UBE3D: variants seen among roughly 807,000 people sequenced by gnomAD.
The protein encoded by UBE3D is E3 ubiquitin-protein ligase E3D.
UBE3D carries 48 observed loss-of-function variants against 49.6 expected under a neutral mutation model. The observed-to-expected ratio is 0.97, with a 90% CI of 0.77 to 1.23. The LOEUF (loss-of-function observed/expected upper bound fraction) is 1.23. Among genes scored for constraint, UBE3D ranks in the 50% most tolerant of loss-of-function variants. UBE3D has a pLI of 0.00. For synonymous variants in UBE3D, 189 were observed against 174.2 expected (o/e 1.08, Z -0.67); for missense variants, 452 against 468.4 (o/e 0.96, Z 0.32).
At chr6:82,956,383 G>A (rs1776157924) in intron 9 of UBE3D, among the ~76,000 whole-genome samples, 1 of 152,172 alleles carries the variant, frequency 6.6e-6, no homozygotes, top group African/African-American at 2.4e-5. Context: ...ACACTCATTT[G>A]ACAATTAGCT....
intron 8 of UBE3D, among the ~76,000 whole-genome samples, chr6:83,000,881 G>T (rs1054447045): frequency 7.0e-6 from 1 of 143,564 alleles, no homozygotes; most frequent in African/African-American, 2.6e-5. Context: ...TCTCGCTCTT[G>T]TTGCCCAGAC....
chr6:83,050,006 CT>C (rs1406508871), intron 3 of UBE3D, among the ~76,000 whole-genome samples: 1 of 151,990 alleles, frequency 6.6e-6, no homozygotes, highest in Non-Finnish European at 1.5e-5. Context: ...AGAAAAACTG[CT>C]AATCTGGTAA....
At chr6:82,968,784 T>C (rs1777132609) in intron 8 of UBE3D, among the ~76,000 whole-genome samples, 1 of 152,222 alleles carries the variant, frequency 6.6e-6, no homozygotes, top group Admixed American at 6.5e-5. Flanking sequence ...TGCTTAATTC[T>C]AGTGAACTAG....
intron 8 of UBE3D, among the ~76,000 whole-genome samples, chr6:82,979,890 C>A (rs1777993953): frequency 6.6e-6 from 1 of 152,116 alleles, no homozygotes; most frequent in Non-Finnish European, 1.5e-5. Context: ...TAACGGCCCC[C>A]AGTTGTATCC....
intron 9 of UBE3D, among the ~76,000 whole-genome samples, chr6:82,900,460 G>A (rs1244336703): frequency 6.6e-6 from 1 of 152,174 alleles, no homozygotes; most frequent in Non-Finnish European, 1.5e-5. Flanking sequence ...GATTTCCACA[G>A]ATGAATGGGT....
At chr6:82,982,944 A>T (rs944844772) in intron 8 of UBE3D, among the ~76,000 whole-genome samples, 2 of 152,092 alleles carry the variant, frequency 1.3e-5, no homozygotes, top group South Asian at 2.1e-4. Context: ...TTTCAAAGCT[A>T]TGATGGTTCA....
At chr6:82,881,337 G>C in the UBE3D span, among the ~76,000 whole-genome samples, 1 of 152,174 alleles carries the variant, frequency 6.6e-6, no homozygotes, top group African/African-American at 2.4e-5. Flanking sequence ...TGCCAGGTAG[G>C]AATATGAGGG....
Position 82,895,494 on chromosome 6 carries a change from A to G in UBE3D, c.1150-2452T>C, listed in dbSNP as rs367793961. Among the ~76,000 whole-genome samples, 16 of 152,258 alleles carry G rather than the reference A, an allele frequency of 1.1e-4. No individual in the cohort carries two copies. The East Asian group carries it at 2.3e-3, about 22-fold the overall frequency. On this transcript the variant is annotated intron_variant, in intron 9 of 9. Coordinates refer to ENST00000369747, the MANE Select transcript of UBE3D (RefSeq NM_198920.3). ...ACAGAGGCCAGGGACGTTCTCCTAC[A>G]ATGTAGAGAGCCCCTAAAACAAAGA...
At chr6:83,057,701 C>A in intron 2 of UBE3D, 125 bp downstream of exon 2, 2 of 878,946 alleles carry the variant, frequency 2.3e-6, no homozygotes, top group Non-Finnish European at 1.8e-6. Context: ...ACTGGCAGAG[C>A]TGACAAAGAC....
chr6:82,989,559 T>C (rs530648536), intron 8 of UBE3D, among the ~76,000 whole-genome samples: 15 of 152,264 alleles, frequency 9.9e-5, no homozygotes, highest in Admixed American at 1.3e-4. Context: ...TCAACTCTAC[T>C]GTACCATGGC....
In UBE3D at chr6:83,050,530, C is replaced by T. The variant is rs903832531; in HGVS notation, c.365+3618G>A. On this transcript the variant is annotated intron_variant, in intron 3 of 9. Coordinates refer to ENST00000369747, the MANE Select transcript of UBE3D (RefSeq NM_198920.3). ...GGTGCTCCCAATACAGATAAATCAA[C>T]ATATTCCAAGGTACCTTCCTGGGAA... Among the ~76,000 whole-genome samples, 37 of 152,206 alleles carry T rather than the reference C, an allele frequency of 2.4e-4. 1 individual carries two copies. Among genetic ancestry groups the T allele is most frequent in the African/African-American group, 8.9e-4 (37 of 41,454 alleles).
intron 9 of UBE3D, among the ~76,000 whole-genome samples, chr6:82,913,795 A>G (rs1418414947): frequency 6.6e-6 from 1 of 152,240 alleles, no homozygotes; most frequent in African/African-American, 2.4e-5. Context: ...TTAACAGCAG[A>G]AAGTGTCTTT....
chr6:82,900,706 AT>A (rs1345671592), intron 9 of UBE3D, among the ~76,000 whole-genome samples: 4 of 152,186 alleles, frequency 2.6e-5, no homozygotes, highest in Non-Finnish European at 4.4e-5. Context: ...CAGTATTGAG[AT>A]ACTTAACGAG....
At chr6:82,919,655 C>A (rs557114014) in intron 9 of UBE3D, among the ~76,000 whole-genome samples, 1 of 151,768 alleles carries the variant, frequency 6.6e-6, no homozygotes, top group South Asian at 2.1e-4. Context: ...TCAGGACATG[C>A]AAGGACAGAT....
chr6:83,032,508 T>C (rs910203904), intron 5 of UBE3D, among the ~76,000 whole-genome samples: 2 of 152,240 alleles, frequency 1.3e-5, no homozygotes, highest in African/African-American at 4.8e-5. Flanking sequence ...TAAAGTCTCA[T>C]AGGTGGAAGG....
chr6:83,021,185 A>T (rs1781064517), intron 7 of UBE3D, among the ~76,000 whole-genome samples: 1 of 151,706 alleles, frequency 6.6e-6, no homozygotes, highest in Admixed American at 6.6e-5. Context: ...ATCCCACTAT[A>T]ATCCCAACAG....
At chr6:82,883,881 TGAA>T in the UBE3D span, among the ~76,000 whole-genome samples, 1 of 152,208 alleles carries the variant, frequency 6.6e-6, no homozygotes, top group Admixed American at 6.5e-5. Flanking sequence ...AGTCCCAGGT[TGAA>T]CCCAAACAGT....
At chr6:82,943,869 A>ACAGTGGAAAGCAAAAC (rs1255370437) in intron 9 of UBE3D, among the ~76,000 whole-genome samples, 24 of 152,148 alleles carry the variant, frequency 1.6e-4, no homozygotes, top group Admixed American at 1.6e-3. Context: ...CTTCCTGGTT[A>ACAGTGGAAAGCAAAAC]CAGTGGAAAG....
At position 83,057,973 on chromosome 6, in the gene UBE3D, A is replaced by C; in HGVS notation, c.127T>G (p.Ser43Ala). The change falls in exon 2 of 10, where the codon TCA (serine) becomes GCA (alanine). Residue 43 changes from serine to alanine, a missense_variant. Coordinates refer to ENST00000369747, the MANE Select transcript of UBE3D (RefSeq NM_198920.3). ...CCTTCAGGGGTTTTCATCTGGAGTGAAGATGGCATTATGGAAATATTCATG... is the reference window on the plus strand; with the variant it reads ...CCTTCAGGGGTTTTCATCTGGAGTGCAGATGGCATTATGGAAATATTCATG... ...MPMNISIMPS[S>A]LQMKTPEGCT... is the part of the protein sequence containing the mutation. The C allele has an allele frequency of 4.3e-6, 7 of 1,614,214 alleles. No individual in the cohort carries two copies. Among genetic ancestry groups the C allele is most frequent in the Non-Finnish European group, 5.9e-6 (7 of 1,180,042 alleles).
Sources: allele counts gnomAD v4.1 joint callset (sites outside exome capture counted in the v4.1 genomes callset), GRCh38; gene constraint gnomAD v4.1.1; transcripts MANE v1.5; gene names NCBI Gene and HGNC (gene_info 2026-07-23, HGNC 2026-07-21).